TBC1D5: variants seen among roughly 807,000 people sequenced by gnomAD.
TBC1D5 encodes TBC1 domain family member 5, also known as TBC1 domain family, member 5.
Under a neutral mutation model 100.3 loss-of-function variants are expected in TBC1D5, and 75 were observed. The ratio of observed to expected loss-of-function variants is 0.75; its 90% CI spans 0.62 to 0.91. TBC1D5 has a LOEUF of 0.91. Ranked by LOEUF, TBC1D5 falls within the 40% of genes least tolerant of loss-of-function variation. The pLI, the probability that TBC1D5 is intolerant of heterozygous loss-of-function variation, is 0.00. For synonymous variants in TBC1D5, 323 were observed against 325.6 expected (o/e 0.99, Z 0.09); for missense variants, 910 against 942.4 (o/e 0.97, Z 0.45).
At chr3:17,445,706 T>C (rs567830105) in intron 3 of TBC1D5, among the ~76,000 whole-genome samples, 68 of 152,336 alleles carry the variant, frequency 4.5e-4, no homozygotes, top group African/African-American at 1.5e-3. Context: ...AGTAGCATGG[T>C]TGTTAATCTC....
chr3:17,681,441 G>A (rs903142698), intron 1 of TBC1D5, among the ~76,000 whole-genome samples: 4 of 151,464 alleles, frequency 2.6e-5, no homozygotes, highest in African/African-American at 9.8e-5. Flanking sequence ...AATTTGCCAT[G>A]TCAGATAAAT....
intron 18 of TBC1D5, among the ~76,000 whole-genome samples, chr3:17,205,036 A>G (rs540326764): frequency 2.1e-4 from 32 of 152,346 alleles, no homozygotes; most frequent in African/African-American, 7.5e-4. Context: ...GACTAAATGT[A>G]TGTTTCAAAT....
Position 17,706,180 on chromosome 3 carries a change from C to G in TBC1D5, c.-101+33163G>C, listed in dbSNP as rs902087514. On this transcript the variant is annotated intron_variant, in intron 1 of 21. Coordinates refer to ENST00000253692, the Ensembl canonical transcript of TBC1D5. Reference sequence around the variant, plus strand: ...GGGGAGACATCGGCAGGCAGCCGCTCGAAGGGCCTCTTCTCCGGCATCGCG... The same window carrying G: ...GGGGAGACATCGGCAGGCAGCCGCTGGAAGGGCCTCTTCTCCGGCATCGCG... 56 of 1,561,544 alleles carry G rather than the reference C, an allele frequency of 3.6e-5. No homozygotes were observed. In the African/African-American group the frequency reaches 6.3e-4, roughly 17 times the overall value.
At chr3:17,458,963 A>G (rs1321155904) in intron 3 of TBC1D5, among the ~76,000 whole-genome samples, 1 of 152,218 alleles carries the variant, frequency 6.6e-6, no homozygotes, top group African/African-American at 2.4e-5. Context: ...GCGTAGCCAT[A>G]CAAAACCCCC....
chr3:17,510,775 C>CA (rs1351607438), intron 2 of TBC1D5, among the ~76,000 whole-genome samples: 1 of 151,872 alleles, frequency 6.6e-6, no homozygotes, highest in Non-Finnish European at 1.5e-5. Flanking sequence ...GAATATATGC[C>CA]AAAAACTAGT....
chr3:17,214,460 A>T (rs1431557024), intron 17 of TBC1D5, 90 bp from the exon 19 acceptor site: 1 of 1,331,844 alleles, frequency 7.5e-7, no homozygotes, highest in East Asian at 2.4e-5. Flanking sequence ...ATGATCAATT[A>T]TGATGCCACT....
intron 4 of TBC1D5, 25 bp downstream of exon 4, chr3:17,428,425 A>T: frequency 3.4e-6 from 2 of 587,510 alleles, no homozygotes; most frequent in Non-Finnish European, 2.6e-6. Flanking sequence ...ATATATATAT[A>T]TATATATATG....
intron 15 of TBC1D5, among the ~76,000 whole-genome samples, chr3:17,284,516 A>T (rs1341474659): frequency 6.6e-6 from 1 of 152,192 alleles, no homozygotes; most frequent in Non-Finnish European, 1.5e-5. Flanking sequence ...TTTTTTATAT[A>T]CCATTATATC....
chr3:17,233,746 A>G, intron 17 of TBC1D5: 1 of 1,539,940 alleles, frequency 6.5e-7, no homozygotes. Context: ...CTGTAACTAC[A>G]TCGCCTGGAT....
intron 18 of TBC1D5, among the ~76,000 whole-genome samples, chr3:17,195,668 G>A (rs2070568520): frequency 6.6e-6 from 1 of 152,006 alleles, no homozygotes; most frequent in South Asian, 2.1e-4. Flanking sequence ...GCAAATCCAA[G>A]CTGAGGATCA....
At chr3:17,678,397 C>T (rs942051827) in intron 1 of TBC1D5, among the ~76,000 whole-genome samples, 2 of 152,008 alleles carry the variant, frequency 1.3e-5, no homozygotes, top group African/African-American at 2.4e-5. Flanking sequence ...CTCCCAAAAC[C>T]CTACTAAAAT....
intron 2 of TBC1D5, among the ~76,000 whole-genome samples, chr3:17,558,860 T>C (rs554216062): frequency 1.6e-4 from 24 of 152,274 alleles, no homozygotes; most frequent in African/African-American, 5.3e-4. Context: ...TTTTTTAAAC[T>C]GCTTAAAAAC....
At chr3:17,528,874 T>C (rs1476228481) in intron 2 of TBC1D5, among the ~76,000 whole-genome samples, 1 of 152,134 alleles carries the variant, frequency 6.6e-6, no homozygotes. Flanking sequence ...ACAAAAAAAA[T>C]TGTTCACTTC....
At chr3:17,372,039 AAAAC>A (rs11272495) in intron 13 of TBC1D5, 32 bp downstream of exon 13, 47 of 1,504,632 alleles carry the variant, frequency 3.1e-5, no homozygotes, top group South Asian at 9.0e-5. Context: ...TCTGTCTCAA[AAAAC>A]AAACAAACAA....
intron 13 of TBC1D5, among the ~76,000 whole-genome samples, chr3:17,325,268 TAAAAA>T (rs35243838): frequency 7.8e-6 from 1 of 127,814 alleles, no homozygotes; most frequent in South Asian, 2.5e-4. Flanking sequence ...AGTACTCAGT[TAAAAA>T]AAAAAAAAAA....
intron 2 of TBC1D5, among the ~76,000 whole-genome samples, chr3:17,615,762 T>C (rs1249526604): frequency 6.6e-6 from 1 of 152,210 alleles, no homozygotes; most frequent in African/African-American, 2.4e-5. Context: ...CTGCATCTAT[T>C]TGATTCTTCT....
At chr3:17,565,755 T>C (rs983448362) in intron 2 of TBC1D5, among the ~76,000 whole-genome samples, 7 of 152,054 alleles carry the variant, frequency 4.6e-5, no homozygotes, top group African/African-American at 1.4e-4. Context: ...TTTTGAAAAT[T>C]AGTGCATGTT....
intron 1 of TBC1D5, among the ~76,000 whole-genome samples, chr3:17,688,136 A>T (rs1560468124): frequency 6.6e-6 from 1 of 152,192 alleles, no homozygotes. Context: ...ACTGATATGG[A>T]GAACTGTTCA....
chr3:17,654,582 T>C (rs1194586599), intron 1 of TBC1D5, among the ~76,000 whole-genome samples: 3 of 152,250 alleles, frequency 2.0e-5, no homozygotes, highest in Non-Finnish European at 4.4e-5. Context: ...TTGAGGATTT[T>C]TGCATCAATG....
Sources: allele counts gnomAD v4.1 joint callset (sites outside exome capture counted in the v4.1 genomes callset), GRCh38; gene constraint gnomAD v4.1.1; transcripts MANE v1.5; gene names NCBI Gene and HGNC (gene_info 2026-07-23, HGNC 2026-07-21).